Variants in PITPNA observed in about 807,000 individuals in gnomAD.
PITPNA encodes the protein phosphatidylinositol transfer protein alpha isoform.
PITPNA carries 13 observed loss-of-function variants against 50.3 expected under a neutral mutation model. That is an observed-to-expected ratio of 0.26 (90% CI 0.17 to 0.41). The LOEUF (loss-of-function observed/expected upper bound fraction) is 0.41. PITPNA is among the 10% of genes least tolerant of loss of function. The pLI is 1.00. For missense variants in PITPNA, 207 were observed against 333.4 expected (o/e 0.62, Z 2.95); for synonymous variants, 120 against 119.6 (o/e 1.00, Z -0.02).
intron 7 of PITPNA, among the ~76,000 whole-genome samples, chr17:1,536,519 G>A (rs1168473743): frequency 1.3e-5 from 2 of 152,016 alleles, no homozygotes; most frequent in Non-Finnish European, 2.9e-5. Context: ...TCGATCTCCT[G>A]ACCTCGTGAT....
chr17:1,556,814 C>T (rs2075737131), intron 2 of PITPNA, among the ~76,000 whole-genome samples: 1 of 152,120 alleles, frequency 6.6e-6, no homozygotes, highest in Non-Finnish European at 1.5e-5. Flanking sequence ...TCAATAAAGA[C>T]AGCACAGGCT....
rs2075772366 is a variant in PITPNA at position 1,562,279 on chromosome 17, G to A, written c.20+262C>T. Reference sequence around the variant, plus strand: ...GCCCGTCCATGCCCCGTGGGCCCCGGCTCAGATGCCGAACGCCCCGGCTGC... The same window carrying A: ...GCCCGTCCATGCCCCGTGGGCCCCGACTCAGATGCCGAACGCCCCGGCTGC... On this transcript the variant is annotated intron_variant, in intron 1 of 11. Coordinates refer to ENST00000313486, the MANE Select transcript of PITPNA (RefSeq NM_006224.4). The surrounding 1 kb of genome is among the most constrained non-coding windows in gnomAD (Gnocchi z 6.4). Among the ~76,000 whole-genome samples, 1 of 150,046 alleles carries A rather than the reference G, an allele frequency of 6.7e-6. No homozygotes were observed. Among genetic ancestry groups the A allele is most frequent in the African/African-American group, 2.5e-5 (1 of 40,742 alleles).
chr17:1,535,491 T>C lies in PITPNA; in HGVS notation c.484A>G (p.Lys162Glu). Residue 162 changes from lysine (K) to glutamate (E), a missense_variant, in exon 8 of 12, where the codon AAA becomes GAA. Physicochemically the swap from Lys to Glu is moderately conservative, Grantham distance 56 (BLOSUM62 1). Transcript: ENST00000313486. Reference protein sequence around the residue: ...KDYKAEEDPAKFKSIKTGRGP... With the variant: ...KDYKAEEDPAEFKSIKTGRGP... ...CGGCCTGTTTTGATAGATTTAAATTTTGCTGGGTCTTCCTCTGCCTTGTAA... is the reference window on the plus strand; with the variant it reads ...CGGCCTGTTTTGATAGATTTAAATTCTGCTGGGTCTTCCTCTGCCTTGTAA... 6.2e-7 allele frequency: 1 copy of C among 1,613,480 alleles called. No individual in the cohort carries two copies. The highest frequency in any genetic ancestry group is 8.5e-7 in the Non-Finnish European group (1 of 1,179,450).
chr17:1,544,281 G>C (rs2151009868), intron 4 of PITPNA, among the ~76,000 whole-genome samples: 1 of 152,338 alleles, frequency 6.6e-6, no homozygotes, highest in Non-Finnish European at 1.5e-5. Context: ...AGAATGCCCT[G>C]ATCATCGAAT....
chr17:1,555,180 G>C (rs1408519287), intron 2 of PITPNA, among the ~76,000 whole-genome samples: 1 of 152,214 alleles, frequency 6.6e-6, no homozygotes, highest in Non-Finnish European at 1.5e-5. Context: ...GGGGACCCCA[G>C]GCAGAGACTA....
At chr17:1,537,184 C>G (rs924323044) in intron 7 of PITPNA, among the ~76,000 whole-genome samples, 1 of 152,080 alleles carries the variant, frequency 6.6e-6, no homozygotes, top group African/African-American at 2.4e-5. Flanking sequence ...CTGCCTCAGT[C>G]TCCTAAGTAG....
rs1455437755 is a variant in PITPNA, at chr17:1,519,573, G to T, written c.*988C>A. The T allele has an allele frequency of 6.6e-6, 1 of 152,614 alleles. No individual in the cohort carries two copies. Among genetic ancestry groups the T allele is most frequent in the East Asian group, 1.9e-4 (1 of 5,198 alleles). 9.5% of individuals were successfully genotyped at this position (152,614 alleles called of 1,614,324 possible). On this transcript the variant is annotated 3_prime_UTR_variant, in exon 12 of 12. Transcript: ENST00000313486. Reference sequence around the variant, plus strand: ...AAAAAGCTTTTTGCATGCTCATATTGTGCAGCATGAAAGATCAGGACTCTT... The same window carrying T: ...AAAAAGCTTTTTGCATGCTCATATTTTGCAGCATGAAAGATCAGGACTCTT...
At chr17:1,558,422 G>T in intron 2 of PITPNA, 107 bp downstream of exon 2, 1 of 725,350 alleles carries the variant, frequency 1.4e-6, no homozygotes, top group Non-Finnish European at 2.4e-6. Flanking sequence ...ATTTATGTTA[G>T]AACAAATAAG....
chr17:1,525,153 C>T (rs2075540100), intron 10 of PITPNA, among the ~76,000 whole-genome samples: 1 of 151,850 alleles, frequency 6.6e-6, no homozygotes, highest in African/African-American at 2.4e-5. Flanking sequence ...CCACGCCTGG[C>T]TAATTTTTGT....
chr17:1,542,955 T>C, intron 5 of PITPNA, 65 bp downstream of exon 5: 5 of 1,293,678 alleles, frequency 3.9e-6, no homozygotes, highest in Non-Finnish European at 5.5e-6. Flanking sequence ...ACCAGTGCAG[T>C]TACATTTTTC....
intron 9 of PITPNA, among the ~76,000 whole-genome samples, 167 bp downstream of exon 9, chr17:1,535,015 C>T (rs533639100): frequency 1.3e-5 from 2 of 152,278 alleles, no homozygotes; most frequent in Admixed American, 6.5e-5. Context: ...AGGCCTCAGC[C>T]GAGCTACTTA....
intron 10 of PITPNA, among the ~76,000 whole-genome samples, chr17:1,528,232 C>T (rs2075559500): frequency 6.6e-6 from 1 of 152,152 alleles, no homozygotes; most frequent in South Asian, 2.1e-4. Context: ...TTTCTGCCTC[C>T]TGGATTCAAG....
At chr17:1,547,346 A>C in intron 4 of PITPNA, among the ~76,000 whole-genome samples, 1 of 152,172 alleles carries the variant, frequency 6.6e-6, no homozygotes, top group South Asian at 2.1e-4. Context: ...AGCCTGGACA[A>C]CAGAGTGAGA....
At chr17:1,544,153 C>T (rs1029204669) in intron 4 of PITPNA, among the ~76,000 whole-genome samples, 3 of 152,198 alleles carry the variant, frequency 2.0e-5, no homozygotes, top group East Asian at 1.9e-4. Flanking sequence ...TCGGCCTCTC[C>T]GAGACGTGCT....
chr17:1,526,764 CTTTT>C (rs916123230), intron 10 of PITPNA, among the ~76,000 whole-genome samples: 1 of 152,088 alleles, frequency 6.6e-6, no homozygotes, highest in Non-Finnish European at 1.5e-5. Context: ...TTACTTCAAT[CTTTT>C]TTTGTTTGTT....
chr17:1,561,985 C>A (rs900820033), intron 1 of PITPNA, among the ~76,000 whole-genome samples: 1 of 152,110 alleles, frequency 6.6e-6, no homozygotes, highest in African/African-American at 2.4e-5. Context: ...GCCGCGGGGC[C>A]TCTCAGCGCC....
At chr17:1,538,189 CAG>C (rs1362309649) in intron 7 of PITPNA, among the ~76,000 whole-genome samples, 2 of 152,200 alleles carry the variant, frequency 1.3e-5, no homozygotes, top group Non-Finnish European at 1.5e-5. Flanking sequence ...TATCAGTGGG[CAG>C]AGAGTTACAT....
chr17:1,538,045 T>G (rs1029548773), intron 7 of PITPNA, among the ~76,000 whole-genome samples: 4 of 151,934 alleles, frequency 2.6e-5, no homozygotes, highest in Non-Finnish European at 5.9e-5. Context: ...AGATGATCGG[T>G]CACCTTGGCC....
At chr17:1,549,062 C>T (rs993893631) in intron 3 of PITPNA, among the ~76,000 whole-genome samples, 10 of 152,234 alleles carry the variant, frequency 6.6e-5, no homozygotes, top group Admixed American at 5.2e-4. Flanking sequence ...CATGCGCCAC[C>T]ACGCCCAGCT....
Sources: gnomAD v4.1 joint callset for allele counts (sites outside exome capture counted in the v4.1 genomes callset) on GRCh38, gnomAD v4.1.1 for gene constraint, Gnocchi (gnomAD v3.1) non-coding constraint, MANE v1.5 for transcripts, NCBI Gene and HGNC (gene_info 2026-07-23, HGNC 2026-07-21) for gene names.